The following GRAMD2B variants were observed in gnomAD, a reference collection of about 807,000 sequenced individuals.
The protein encoded by GRAMD2B is GRAM domain containing 2B, also known as GRAM domain-containing protein 2B.
A neutral mutation model predicts 59.2 loss-of-function variants in GRAMD2B; 41 were observed. The ratio of observed to expected loss-of-function variants is 0.69; its 90% CI spans 0.54 to 0.90. The LOEUF (loss-of-function observed/expected upper bound fraction) is 0.90, where lower values mean the gene tolerates loss of function less well. Among genes scored for constraint, GRAMD2B ranks in the 40% least tolerant of loss-of-function variants. GRAMD2B has a pLI of 0.00. For synonymous variants in GRAMD2B, 161 were observed against 182.7 expected, an observed-to-expected ratio of 0.88 and a Z score of 0.96; for missense variants, 424 against 500.5, an observed-to-expected ratio of 0.85 and a Z score of 1.46.
intron 13 of GRAMD2B, among the ~76,000 whole-genome samples, chr5:126,491,274 G>A (rs1773879870): frequency 6.6e-6 from 1 of 152,072 alleles, no homozygotes; most frequent in African/African-American, 2.4e-5. Flanking sequence ...TTGGTCCTGA[G>A]GGATACATGA....
At chr5:126,448,862 G>T (rs145159234) in intron 1 of GRAMD2B, among the ~76,000 whole-genome samples, 328 of 152,318 alleles carry the variant, frequency 2.2e-3, no homozygotes, top group African/African-American at 7.7e-3. Context: ...GTGAAATGTG[G>T]ATAACACCTG....
In GRAMD2B at chr5:126,447,395, G is replaced by T. The variant is rs1282229819; in HGVS notation, c.84-18031G>T. ...CAGAAAGCCTAGGCCGGGCGCAGTG[G>T]CTCACGCCTGTAATCCCAGCACTTT... On this transcript the variant is annotated intron_variant, in intron 1 of 13. Coordinates refer to ENST00000285689, the MANE Select transcript of GRAMD2B (RefSeq NM_023927.4). 5.3e-5 allele frequency among the ~76,000 whole-genome samples: 8 copies of T among 152,306 alleles called. No homozygotes were observed. The East Asian group carries it at 1.2e-3, about 22-fold the overall frequency.
chr5:126,409,149 C>T (rs577947025), intron 1 of GRAMD2B, among the ~76,000 whole-genome samples: 9 of 151,798 alleles, frequency 5.9e-5, no homozygotes, highest in South Asian at 4.2e-4. Flanking sequence ...GCAATAAACA[C>T]GTGTGCATGT....
chr5:126,478,140 G>GAAAAA (rs11376080), intron 6 of GRAMD2B, among the ~76,000 whole-genome samples: 2 of 126,844 alleles, frequency 1.6e-5, no homozygotes. Context: ...GTCTTAAAGG[G>GAAAAA]AAAAAAAAAA....
chr5:126,361,120 AT>A (rs1754198788), intron 1 of GRAMD2B, among the ~76,000 whole-genome samples: 1 of 152,218 alleles, frequency 6.6e-6, no homozygotes, highest in South Asian at 2.1e-4. Context: ...AAATTCCTCT[AT>A]TATTCTGACT....
chr5:126,454,379 A>C (rs1765902788), intron 1 of GRAMD2B, among the ~76,000 whole-genome samples: 1 of 152,108 alleles, frequency 6.6e-6, no homozygotes, highest in African/African-American at 2.4e-5. Flanking sequence ...GTGGAAGGGA[A>C]ATCACTGCAG....
intron 1 of GRAMD2B, among the ~76,000 whole-genome samples, chr5:126,389,954 A>G (rs1381094604): frequency 6.6e-6 from 1 of 152,240 alleles, no homozygotes; most frequent in African/African-American, 2.4e-5. Context: ...TCTCAAAAAA[A>G]AAGAATTGTT....
At chr5:126,446,704 G>A (rs1764311309) in intron 1 of GRAMD2B, among the ~76,000 whole-genome samples, 1 of 151,746 alleles carries the variant, frequency 6.6e-6, no homozygotes, top group Non-Finnish European at 1.5e-5. Context: ...GGCTGAGGGA[G>A]GAGGATTTGG....
chr5:126,391,856 A>G (rs1256417637), intron 1 of GRAMD2B, among the ~76,000 whole-genome samples: 2 of 152,208 alleles, frequency 1.3e-5, no homozygotes, highest in Admixed American at 1.3e-4. Context: ...TTGTGGTACT[A>G]AAATCACCCG....
chr5:126,466,274 C>T, intron 2 of GRAMD2B: 2 of 1,548,828 alleles, frequency 1.3e-6, no homozygotes, highest in Non-Finnish European at 1.7e-6. Flanking sequence ...CCGCTTTTTG[C>T]TTCCTTCCTG....
chr5:126,483,360 A>C, intron 8 of GRAMD2B, 103 bp from the exon 9 acceptor site: 1 of 596,888 alleles, frequency 1.7e-6, no homozygotes, highest in Non-Finnish European at 2.9e-6. Flanking sequence ...CTTCTATTCT[A>C]TGTTTTATAG....
upstream of GRAMD2B, among the ~76,000 whole-genome samples, chr5:126,369,566 CT>C (rs1276002711): frequency 3.3e-5 from 5 of 151,928 alleles, no homozygotes; most frequent in African/African-American, 1.2e-4. Context: ...CTGTTTTTTC[CT>C]AGCTTCATTG....
chr5:126,361,772 T>C (rs993087044), intron 1 of GRAMD2B, among the ~76,000 whole-genome samples: 6 of 152,172 alleles, frequency 3.9e-5, no homozygotes, highest in African/African-American at 1.4e-4. Context: ...ATTCTAACTC[T>C]AATTTACCAA....
intron 2 of GRAMD2B, chr5:126,466,430 C>T: frequency 1.4e-5 from 8 of 586,222 alleles, no homozygotes; most frequent in East Asian, 3.3e-5. Context: ...GGCATCTCAC[C>T]TTTTTTTTTT....
intron 1 of GRAMD2B, among the ~76,000 whole-genome samples, chr5:126,382,113 C>T (rs1220029581): frequency 1.3e-5 from 2 of 152,170 alleles, no homozygotes; most frequent in Non-Finnish European, 2.9e-5. Context: ...TGACTCACAG[C>T]TCTTAAGATT....
At chr5:126,492,844 A>G (rs530646074) in intron 13 of GRAMD2B, 71 bp from the exon 14 acceptor site, 9 of 983,068 alleles carry the variant, frequency 9.2e-6, no homozygotes, top group African/African-American at 3.3e-5. Flanking sequence ...TGCTATATAG[A>G]CTATAACAAA....
At chr5:126,423,858 G>T (rs1035261488) in intron 1 of GRAMD2B, among the ~76,000 whole-genome samples, 169 bp downstream of exon 1, 2 of 152,142 alleles carry the variant, frequency 1.3e-5, no homozygotes, top group Non-Finnish European at 2.9e-5. Flanking sequence ...TAGATATTCA[G>T]TTAAGGAGAT....
intron 1 of GRAMD2B, among the ~76,000 whole-genome samples, chr5:126,450,260 C>A (rs1355734078): frequency 6.6e-6 from 1 of 152,074 alleles, no homozygotes; most frequent in African/African-American, 2.4e-5. Context: ...GTGAACATTT[C>A]TCTCTTCTAA....
At chr5:126,374,013 G>T (rs1355691580) in intron 1 of GRAMD2B, among the ~76,000 whole-genome samples, 1 of 152,202 alleles carries the variant, frequency 6.6e-6, no homozygotes, top group Non-Finnish European at 1.5e-5. Flanking sequence ...GCCTACTTGT[G>T]GTTGATTTCC....
Sources: gnomAD v4.1 joint callset for allele counts (sites outside exome capture counted in the v4.1 genomes callset) on GRCh38, gnomAD v4.1.1 for gene constraint, MANE v1.5 for transcripts, NCBI Gene and HGNC (gene_info 2026-07-23, HGNC 2026-07-21) for gene names.